The following ARHGEF33 variants were observed in gnomAD, a reference collection of about 807,000 sequenced individuals.
ARHGEF33 encodes the protein Rho guanine nucleotide exchange factor 33.
ARHGEF33 carries 72 observed loss-of-function variants against 101.9 expected under a neutral mutation model. The ratio of observed to expected loss-of-function variants is 0.71; its 90% CI spans 0.58 to 0.86. The LOEUF (loss-of-function observed/expected upper bound fraction) is 0.86. Ranked by LOEUF, ARHGEF33 falls within the 40% of genes least tolerant of loss-of-function variation. ARHGEF33 has a pLI of 0.00. For missense variants in ARHGEF33, 1,169 were observed against 1,111.3 expected (o/e 1.05, Z -0.74); for synonymous variants, 499 against 442.5 (o/e 1.13, Z -1.60).
chr2:38,908,821 G>A (rs1392002269), intron 2 of ARHGEF33, among the ~76,000 whole-genome samples: 1 of 152,036 alleles, frequency 6.6e-6, no homozygotes, highest in East Asian at 1.9e-4. Flanking sequence ...GGGAACAAGG[G>A]GATATATTTC....
chr2:38,953,057 A>G (rs1193652652), intron 11 of ARHGEF33, 105 bp from the exon 12 acceptor site: 1 of 652,396 alleles, frequency 1.5e-6, no homozygotes, highest in Admixed American at 2.6e-5. Context: ...TAAATGAATA[A>G]GATAATCTCT....
chr2:38,954,040 C>T (rs1667680525), intron 12 of ARHGEF33, among the ~76,000 whole-genome samples: 1 of 152,216 alleles, frequency 6.6e-6, no homozygotes, highest in African/African-American at 2.4e-5. Context: ...TGATTACTTG[C>T]TGGAGAGTCT....
chr2:38,918,012 A>G (rs1374438217), intron 2 of ARHGEF33, among the ~76,000 whole-genome samples: 1 of 152,140 alleles, frequency 6.6e-6, no homozygotes, highest in Non-Finnish European at 1.5e-5. Flanking sequence ...TATTGTTTCA[A>G]TCAGGTTTCT....
intron 10 of ARHGEF33, among the ~76,000 whole-genome samples, chr2:38,946,251 C>G (rs1317568751): frequency 6.6e-6 from 1 of 152,132 alleles, no homozygotes; most frequent in Admixed American, 6.5e-5. Context: ...CTGCCACTTC[C>G]TATTTTTCTA....
chr2:38,905,587 C>G (rs187344423), intron 2 of ARHGEF33, among the ~76,000 whole-genome samples: 1 of 152,246 alleles, frequency 6.6e-6, no homozygotes, highest in East Asian at 1.9e-4. Flanking sequence ...AGATCTCAGT[C>G]TAGTATTCTT....
Position 38,960,579 on chromosome 2 carries a change from C to A in ARHGEF33, c.2274C>A (p.Gly758=). The change falls in exon 16 of 18, where the codon GGC becomes GGA. Residue 758 remains glycine (G), a synonymous_variant. Transcript: ENST00000409978. ...GPAAAAVAAR[G]ASRTFFPQQR... Reference sequence around the variant, plus strand: ...CCGCCGCCGCCGTCGCCGCCCGCGGCGCATCCAGGACCTTCTTCCCCCAAC... The same window carrying A: ...CCGCCGCCGCCGTCGCCGCCCGCGGAGCATCCAGGACCTTCTTCCCCCAAC... 1 of 1,303,490 alleles carries A rather than the reference C, an allele frequency of 7.7e-7. No individual in the cohort carries two copies. Among genetic ancestry groups the A allele is most frequent in the African/African-American group, 1.6e-5 (1 of 63,732 alleles). 80.7% of individuals were successfully genotyped at this position (1,303,490 alleles called of 1,614,324 possible).
chr2:38,959,822 C>A lies in ARHGEF33; in HGVS notation c.1536-19C>A. On this transcript the variant is annotated intron_variant, in intron 15 of 17. Coordinates refer to ENST00000409978, the MANE Select transcript of ARHGEF33 (RefSeq NM_001145451.5). ...CGGCCGTAAGCACAGCTCTTTTGTA[C>A]TCTGTTTTCCCCCTAAAGACATCTG... The A allele has an allele frequency of 6.5e-7, 1 of 1,526,788 alleles. No individual in the cohort carries two copies. 94.6% of individuals were successfully genotyped at this position (1,526,788 alleles called of 1,614,324 possible).
At chr2:38,963,328 C>T (rs1667987386) in intron 16 of ARHGEF33, among the ~76,000 whole-genome samples, 1 of 152,152 alleles carries the variant, frequency 6.6e-6, no homozygotes, top group African/African-American at 2.4e-5. Context: ...TCACCCAGCC[C>T]AGCAGAGCTA....
chr2:38,971,456 T>C (rs1668165710), intron 17 of ARHGEF33, among the ~76,000 whole-genome samples: 1 of 152,148 alleles, frequency 6.6e-6, no homozygotes, highest in South Asian at 2.1e-4. Flanking sequence ...TCAAAAGCCA[T>C]TTTTGTTTTA....
Position 38,937,321 on chromosome 2 carries a change from C to A in ARHGEF33, c.566-14C>A. On this transcript the variant is annotated splice_polypyrimidine_tract_variant and intron_variant, in intron 8 of 17. Coordinates refer to ENST00000409978, the MANE Select transcript of ARHGEF33 (RefSeq NM_001145451.5). Reference sequence around the variant, plus strand: ...GTTTTCTTTGTTTCCCCGCCCCTCCCCCCACCCCACCAGGAGTGAACCCAA... The same window carrying A: ...GTTTTCTTTGTTTCCCCGCCCCTCCACCCACCCCACCAGGAGTGAACCCAA... 7.7e-6 allele frequency: 3 copies of A among 388,154 alleles called. No individual in the cohort carries two copies. The highest frequency in any genetic ancestry group is 1.4e-5 in the Non-Finnish European group (3 of 211,854). 24.0% of individuals were successfully genotyped at this position (388,154 alleles called of 1,614,324 possible).
chr2:38,915,403 G>A (rs1193411299), intron 2 of ARHGEF33, among the ~76,000 whole-genome samples: 4 of 45,246 alleles, frequency 8.8e-5, no homozygotes, highest in Admixed American at 8.7e-4. Context: ...TTTTTTTTTT[G>A]AGACAGAATT....
intron 7 of ARHGEF33, among the ~76,000 whole-genome samples, chr2:38,933,540 T>C (rs1200014758): frequency 1.3e-5 from 2 of 152,180 alleles, no homozygotes; most frequent in Non-Finnish European, 2.9e-5. Flanking sequence ...CCCGCCACCA[T>C]GCCTTGCTAA....
intron 7 of ARHGEF33, among the ~76,000 whole-genome samples, chr2:38,933,452 C>T (rs1336024516): frequency 2.0e-5 from 3 of 152,028 alleles, no homozygotes; most frequent in Non-Finnish European, 4.4e-5. Context: ...GGCGCGATCT[C>T]GGCTCACTGC....
intron 13 of ARHGEF33, among the ~76,000 whole-genome samples, chr2:38,956,474 T>G (rs1667769777): frequency 1.3e-5 from 2 of 152,186 alleles, no homozygotes; most frequent in Non-Finnish European, 2.9e-5. Context: ...CAGCGGGGAA[T>G]GTAACAGAAG....
chr2:38,918,145 T>C (rs114990055), intron 2 of ARHGEF33, among the ~76,000 whole-genome samples: 1,695 of 152,322 alleles, frequency 0.011, 43 homozygotes, highest in East Asian at 0.083. Flanking sequence ...ATTCTACGGC[T>C]AGCAGCAATG....
At chr2:38,919,571 C>T in intron 3 of ARHGEF33, 99 bp downstream of exon 3, 2 of 1,226,902 alleles carry the variant, frequency 1.6e-6, no homozygotes, top group Non-Finnish European at 2.3e-6. Flanking sequence ...AGTATGTTAA[C>T]TATTTTCATT....
Position 38,931,197 on chromosome 2 carries a change from G to T in ARHGEF33, c.451G>T (p.Val151Phe). Residue 151 changes from valine to phenylalanine, a missense_variant, in exon 7 of 18, where the codon GTT becomes TTT. Physicochemically the swap from Val to Phe is conservative, Grantham distance 50. Transcript: ENST00000409978. Reference sequence around the variant, plus strand: ...TCGTTCTATCAATATCCCTGAGCCTGTTCTTCCAAGCGAAGACTTTACCAA... The same window carrying T: ...TCGTTCTATCAATATCCCTGAGCCTTTTCTTCCAAGCGAAGACTTTACCAA... Reference protein sequence around the residue: ...PFRSINIPEPVLPSEDFTNLL... With the variant: ...PFRSINIPEPFLPSEDFTNLL... 6.4e-7 allele frequency: 1 copy of T among 1,551,588 alleles called. No homozygotes were observed. The highest frequency in any genetic ancestry group is 8.7e-7 in the Non-Finnish European group (1 of 1,146,912).
At chr2:38,930,395 G>A (rs763559120) in intron 6 of ARHGEF33, among the ~76,000 whole-genome samples, 13 of 147,862 alleles carry the variant, frequency 8.8e-5, no homozygotes, top group African/African-American at 1.5e-4. Flanking sequence ...TGTTGCCCAC[G>A]CTGGAGTAGT....
At chr2:38,899,145 A>G (rs76561942) in intron 2 of ARHGEF33, among the ~76,000 whole-genome samples, 1,749 of 152,206 alleles carry the variant, frequency 0.011, 26 homozygotes, top group East Asian at 0.07. Context: ...TTCAACTCAA[A>G]CTTGTGTTGA....
Sources: gnomAD v4.1 joint callset for allele counts (sites outside exome capture counted in the v4.1 genomes callset) on GRCh38, gnomAD v4.1.1 for gene constraint, MANE v1.5 for transcripts, NCBI Gene and HGNC (gene_info 2026-07-23, HGNC 2026-07-21) for gene names.